INPP5F: variants seen among roughly 807,000 people sequenced by gnomAD.
The protein encoded by INPP5F is phosphatidylinositide 4-phosphatase SAC2.
Under a neutral mutation model 137.2 loss-of-function variants are expected in INPP5F, and 97 were observed. That is an observed-to-expected ratio of 0.71 (90% CI 0.60 to 0.84). INPP5F has a LOEUF of 0.84. Among genes scored for constraint, INPP5F ranks in the 40% least tolerant of loss-of-function variants. INPP5F has a pLI of 0.00. For missense variants in INPP5F, 1,271 were observed against 1,371.9 expected, an observed-to-expected ratio of 0.93 and a Z score of 1.16; for synonymous variants, 504 against 476.9, an observed-to-expected ratio of 1.06 and a Z score of -0.74.
chr10:119,797,525 G>A lies in INPP5F; in HGVS notation c.933G>A (p.Glu311=), dbSNP rs774620751. The A allele has an allele frequency of 9.3e-6, 15 of 1,612,500 alleles. No homozygotes were observed. The highest frequency in any genetic ancestry group is 1.3e-5 in the Non-Finnish European group (15 of 1,179,152). ...ATGTTGCCAATTATGTGGAGACTGAGCAGTTGATTCATGTTCATAATCATA... is the reference window on the plus strand; with the variant it reads ...ATGTTGCCAATTATGTGGAGACTGAACAGTTGATTCATGTTCATAATCATA... ...NGNVANYVET[E]QLIHVHNHTL... Residue 311 remains glutamate, a synonymous_variant, in exon 8 of 20, where the codon GAG becomes GAA. Coordinates refer to ENST00000650623, the MANE Select transcript of INPP5F (RefSeq NM_014937.4).
intron 6 of INPP5F, among the ~76,000 whole-genome samples, chr10:119,795,438 T>C (rs189920410): frequency 0.42 from 59,958 of 143,408 alleles, 12,476 homozygotes; most frequent in South Asian, 0.68. Flanking sequence ...ACATCCCAGA[T>C]GGGGCGGCAG....
At chr10:119,791,771 C>A in intron 4 of INPP5F, 98 bp from the exon 5 acceptor site, 3 of 1,325,242 alleles carry the variant, frequency 2.3e-6, no homozygotes, top group Non-Finnish European at 2.1e-6. Context: ...TCCTTATGCC[C>A]TTGGGATTAT....
chr10:119,820,317 A>G (rs894700614), intron 15 of INPP5F, among the ~76,000 whole-genome samples: 26 of 152,364 alleles, frequency 1.7e-4, no homozygotes, highest in Non-Finnish European at 3.1e-4. Context: ...CAAATAATCT[A>G]TAATGACAAA....
At chr10:119,727,286 TTA>T in intron 1 of INPP5F, among the ~76,000 whole-genome samples, 1 of 152,234 alleles carries the variant, frequency 6.6e-6, no homozygotes, top group Admixed American at 6.5e-5. Context: ...CTTGTAATTC[TTA>T]TGTGCAGTCT....
At chr10:119,798,836 G>A (rs964804749) in intron 9 of INPP5F, among the ~76,000 whole-genome samples, 1 of 105,378 alleles carries the variant, frequency 9.5e-6, no homozygotes, top group Non-Finnish European at 1.8e-5. Context: ...TTGCTATATT[G>A]CCCAGGCTGG....
intron 2 of INPP5F, among the ~76,000 whole-genome samples, chr10:119,778,800 T>G (rs949594509): frequency 6.6e-6 from 1 of 152,190 alleles, no homozygotes; most frequent in Non-Finnish European, 1.5e-5. Flanking sequence ...CTTCTCTATC[T>G]CCTACAGTTT....
Position 119,785,286 on chromosome 10 carries a change from G to GTT in INPP5F, c.315+3530_315+3531dup, listed in dbSNP as rs71019717. 3.6e-3 allele frequency among the ~76,000 whole-genome samples: 386 copies of GTT among 106,230 alleles called. 27 individuals are homozygous for GTT. The highest frequency in any genetic ancestry group is 0.017 in the East Asian group (66 of 3,846). 69.7% of individuals were successfully genotyped at this position (106,230 alleles called of 152,430 possible). ...TAACCTTTTGTGGAACTGCCAGACT[G>GTT]TTTTTTTTTTTTTTTTGGAGACGGA... On this transcript the variant is annotated intron_variant, in intron 3 of 19. Transcript: ENST00000650623.
In INPP5F at chr10:119,827,663, C is replaced by T. The variant is rs1433136310; in HGVS notation, c.3282C>T (p.Asn1094=). The T allele has an allele frequency of 6.2e-7, 1 of 1,614,180 alleles. No homozygotes were observed. The highest frequency in any genetic ancestry group is 1.7e-5 in the Admixed American group (1 of 60,020). The stretch of plus-strand genomic sequence containing the variant: ...AAGCTGGATTAACCCATGGGATAAA[C>T]TTTGCAGTGTCAAAAGTTCAGAAGA... ...ITQAGLTHGI[N]FAVSKVQKSP... is the part of the protein sequence containing the mutation. The change falls in exon 20 of 20, where the codon AAC becomes AAT. Residue 1094 remains asparagine (N), a synonymous_variant. Transcript: ENST00000650623.
chr10:119,781,042 C>T (rs907959656), intron 2 of INPP5F, among the ~76,000 whole-genome samples: 3 of 152,136 alleles, frequency 2.0e-5, no homozygotes, highest in Non-Finnish European at 4.4e-5. Context: ...TCATAGAATA[C>T]TTTTTTGTTT....
At chr10:119,821,464 G>A (rs991174790) in intron 16 of INPP5F, among the ~76,000 whole-genome samples, 1 of 152,160 alleles carries the variant, frequency 6.6e-6, no homozygotes, top group African/African-American at 2.4e-5. Context: ...AACAGTGCTA[G>A]TAGCAAAATA....
intron 2 of INPP5F, among the ~76,000 whole-genome samples, chr10:119,752,398 A>G (rs1848712527): frequency 6.6e-6 from 1 of 152,136 alleles, no homozygotes; most frequent in African/African-American, 2.4e-5. Context: ...TGGCCTGACC[A>G]ACATGGAGAA....
intron 11 of INPP5F, 62 bp downstream of exon 11, chr10:119,805,523 G>A: frequency 9.2e-7 from 1 of 1,090,502 alleles, no homozygotes; most frequent in Non-Finnish European, 1.4e-6. Context: ...GTACCACTGA[G>A]CATTAAACTG....
chr10:119,822,651 T>A, intron 17 of INPP5F, 147 bp downstream of exon 17: 1 of 551,710 alleles, frequency 1.8e-6, no homozygotes, highest in East Asian at 3.0e-5. Context: ...TTAGTAGCAT[T>A]TTGATGAGGT....
chr10:119,822,078 C>T (rs780895187), intron 16 of INPP5F, among the ~76,000 whole-genome samples: 7 of 151,808 alleles, frequency 4.6e-5, no homozygotes, highest in African/African-American at 9.7e-5. Context: ...TTAGTAAAGA[C>T]GGGGTTTCTC....
chr10:119,811,748 C>T lies in INPP5F; in HGVS notation c.1688-9C>T. ...AAAATGATGATAGATATTAACAATT[C>T]CACCCTAGATTTGATGCAAGGCATT... On this transcript the variant is annotated splice_polypyrimidine_tract_variant and intron_variant, in intron 14 of 19. Coordinates refer to ENST00000650623, the MANE Select transcript of INPP5F (RefSeq NM_014937.4). 1.2e-6 allele frequency: 2 copies of T among 1,604,022 alleles called. No homozygotes were observed. Among genetic ancestry groups the T allele is most frequent in the East Asian group, 2.2e-5 (1 of 44,834 alleles).
At position 119,767,124 on chromosome 10, in the gene INPP5F, A is replaced by C. The variant is rs1260988680; in HGVS notation, c.179-14511A>C. Among the ~76,000 whole-genome samples the C allele has an allele frequency of 3.1e-4, 46 of 149,480 alleles. 2 individuals carry two copies. The South Asian group carries it at 9.2e-3, about 30-fold the overall frequency. ...TGTCTCCAGAAAAAAAAAAAAAAAA[A>C]AAAAAAAAACCTAGAGAGATTTTCA... is the stretch of plus-strand genomic sequence containing the variant. On this transcript the variant is annotated intron_variant, in intron 2 of 19. Transcript: ENST00000650623.
chr10:119,752,585 CAAAA>C (rs1295801342), intron 2 of INPP5F, among the ~76,000 whole-genome samples: 1 of 61,494 alleles, frequency 1.6e-5, no homozygotes, highest in African/African-American at 5.0e-5. Flanking sequence ...AACTCCATCT[CAAAA>C]AAAAAAAAAA....
At chr10:119,743,889 G>A (rs1430928070) in intron 1 of INPP5F, among the ~76,000 whole-genome samples, 1 of 152,166 alleles carries the variant, frequency 6.6e-6, no homozygotes, top group African/African-American at 2.4e-5. Flanking sequence ...CTGATAAGCA[G>A]AGCAGTTCAC....
intron 2 of INPP5F, among the ~76,000 whole-genome samples, chr10:119,752,223 G>C (rs1433474165): frequency 6.6e-6 from 1 of 152,202 alleles, no homozygotes; most frequent in African/African-American, 2.4e-5. Context: ...AATTCAAAAA[G>C]CTGTTTATCG....
Sources: allele counts gnomAD v4.1 joint callset (sites outside exome capture counted in the v4.1 genomes callset), GRCh38; gene constraint gnomAD v4.1.1; transcripts MANE v1.5; gene names NCBI Gene and HGNC (gene_info 2026-07-23, HGNC 2026-07-21).